Variants in PDE8A observed in about 807,000 individuals in gnomAD.
PDE8A encodes the protein high affinity cAMP-specific and IBMX-insensitive 3',5'-cyclic phosphodiesterase 8A.
In PDE8A, 59 loss-of-function variants were observed where a neutral mutation model predicts 105.0. That is an observed-to-expected ratio of 0.56 (90% confidence interval 0.46 to 0.70). The LOEUF (loss-of-function observed/expected upper bound fraction) is 0.70, where lower values mean the gene tolerates loss of function less well. Ranked by LOEUF, PDE8A falls within the 30% of genes least tolerant of loss-of-function variation. PDE8A has a pLI of 0.00. For missense variants in PDE8A, 1,014 were observed against 1,045.9 expected, an observed-to-expected ratio of 0.97 and a Z score of 0.42; for synonymous variants, 355 against 371.9, an observed-to-expected ratio of 0.95 and a Z score of 0.52.
intron 8 of PDE8A, among the ~76,000 whole-genome samples, chr15:85,094,179 AT>A (rs919620640): frequency 0.013 from 1,975 of 149,956 alleles, 47 homozygotes; most frequent in African/African-American, 0.044. Context: ...AAAAATCTTG[AT>A]TTTTTTTTTC....
chr15:85,108,957 A>G (rs1008631108), intron 11 of PDE8A, 96 bp from the exon 12 acceptor site: 47 of 791,846 alleles, frequency 5.9e-5, no homozygotes, highest in Non-Finnish European at 4.0e-5. Context: ...TAAAACATTT[A>G]AAGTTGAGAG....
chr15:85,014,092 T>A (rs1478999454), intron 1 of PDE8A, among the ~76,000 whole-genome samples: 2 of 152,218 alleles, frequency 1.3e-5, no homozygotes, highest in African/African-American at 4.8e-5. Context: ...TGATACACGA[T>A]CTTGTGATGA....
chr15:85,007,934 C>G (rs1051094955), intron 1 of PDE8A, among the ~76,000 whole-genome samples: 1 of 152,056 alleles, frequency 6.6e-6, no homozygotes, highest in Non-Finnish European at 1.5e-5. Context: ...TGGACTGCAG[C>G]TCATAGTCAG....
Position 85,115,449 on chromosome 15 carries a change from G to A in PDE8A, c.1361G>A (p.Arg454Gln), listed in dbSNP as rs147442036. ...CTTGATTTTTATCAGGATGGTTTGC[G>A]AAGACTATCAGGGAATGAATATGTT... ...LVGGLMSDGL[R>Q]RLSGNEYVLS... is the part of the protein sequence containing the mutation. Residue 454 changes from arginine to glutamine, a missense_variant, in exon 15 of 22, where the codon CGA (arginine) becomes CAA (glutamine). Transcript: ENST00000394553. 592 of 1,539,734 alleles carry A rather than the reference G, an allele frequency of 3.8e-4. 1 individual carries two copies. Among genetic ancestry groups the A allele is most frequent in the Non-Finnish European group, 4.5e-4 (514 of 1,143,228 alleles).
chr15:85,115,649 AAC>A (rs2082084017), intron 15 of PDE8A, 162 bp downstream of exon 15: 1 of 563,192 alleles, frequency 1.8e-6, no homozygotes, highest in Non-Finnish European at 3.1e-6. Context: ...CTCCCTAAGA[AAC>A]AGTTAATCCT....
At chr15:85,066,418 G>C (rs931141929) in intron 2 of PDE8A, among the ~76,000 whole-genome samples, 1 of 151,834 alleles carries the variant, frequency 6.6e-6, no homozygotes, top group Non-Finnish European at 1.5e-5. Context: ...AAAATTAGCC[G>C]GGCATGTGGT....
Position 84,982,185 on chromosome 15 carries a change from A to T in PDE8A, c.23A>T (p.His8Leu). 2 of 1,483,402 alleles carry T rather than the reference A, an allele frequency of 1.3e-6. No homozygotes were observed. Among genetic ancestry groups the T allele is most frequent in the Non-Finnish European group, 1.8e-6 (2 of 1,126,690 alleles). 91.9% of individuals were successfully genotyped at this position (1,483,402 alleles called of 1,614,324 possible). A position where few individuals can be genotyped will look rare whatever the true frequency, so the allele number is the denominator to read the frequency against. MGCAPSIHISERLVAEDA... is the reference protein window; with the variant it reads MGCAPSILISERLVAEDA... The stretch of plus-strand genomic sequence containing the variant: ...AGCATGGGCTGTGCCCCGAGCATCC[A>T]CATTTCCGAGCGCCTGGTGGCCGAG... Residue 8 changes from histidine (H) to leucine (L), a missense_variant, in exon 1 of 22, where the codon CAC (histidine) becomes CTC (leucine). Transcript: ENST00000394553.
intron 1 of PDE8A, among the ~76,000 whole-genome samples, chr15:85,047,724 C>G (rs1051687945): frequency 6.6e-6 from 1 of 152,136 alleles, no homozygotes; most frequent in Non-Finnish European, 1.5e-5. Context: ...CTGTACAAAT[C>G]AAGTTATTTC....
At chr15:85,094,807 C>CTT (rs1400909198) in intron 8 of PDE8A, among the ~76,000 whole-genome samples, 4 of 152,310 alleles carry the variant, frequency 2.6e-5, no homozygotes, top group African/African-American at 9.6e-5. Context: ...GTGTGTAACT[C>CTT]TGTCTCCTTG....
rs375788549 is a variant in PDE8A at position 85,100,029 on chromosome 15, A to C, written c.956A>C (p.Tyr319Ser). Residue 319 changes from tyrosine to serine, a missense_variant, in exon 10 of 22, where the codon TAT becomes TCT. Transcript: ENST00000394553. Reference protein sequence around the residue: ...VIGQGGKIRHYVSIIRVCNGN... With the variant: ...VIGQGGKIRHSVSIIRVCNGN... The stretch of plus-strand genomic sequence containing the variant: ...TTTACTTGCAGAAAAATTAGACACT[A>C]TGTGTCCATTATCAGAGTGTGCAAT... The C allele has an allele frequency of 9.9e-6, 16 of 1,612,706 alleles. No individual in the cohort carries two copies. The highest frequency in any genetic ancestry group is 7.6e-6 in the Non-Finnish European group (9 of 1,179,362).
chr15:85,029,965 C>T (rs2080585061), intron 1 of PDE8A, among the ~76,000 whole-genome samples: 2 of 152,234 alleles, frequency 1.3e-5, no homozygotes, highest in African/African-American at 2.4e-5. Context: ...TCCCACTGAC[C>T]AGGGGTTCTG....
chr15:85,011,204 G>A (rs192295410), intron 1 of PDE8A, among the ~76,000 whole-genome samples: 11 of 152,304 alleles, frequency 7.2e-5, no homozygotes, highest in African/African-American at 2.6e-4. Context: ...ATTCTAACCT[G>A]ACAGAATTAA....
chr15:85,003,644 G>A (rs1305032494), intron 1 of PDE8A, among the ~76,000 whole-genome samples: 4 of 152,214 alleles, frequency 2.6e-5, no homozygotes, highest in Admixed American at 6.5e-5. Flanking sequence ...CCCTGAGGCA[G>A]TTTGTATTCT....
At chr15:85,006,828 A>G (rs1355834346) in intron 1 of PDE8A, among the ~76,000 whole-genome samples, 2 of 152,112 alleles carry the variant, frequency 1.3e-5, no homozygotes, top group Admixed American at 1.3e-4. Context: ...CATGTATATG[A>G]TGTCCCTTCT....
intron 12 of PDE8A, among the ~76,000 whole-genome samples, chr15:85,112,876 C>A (rs999490790): frequency 6.6e-6 from 1 of 152,188 alleles, no homozygotes; most frequent in African/African-American, 2.4e-5. Flanking sequence ...TTTACCTAAT[C>A]AGTCCAGATT....
chr15:85,127,951 G>A (rs1489037528), intron 20 of PDE8A, among the ~76,000 whole-genome samples: 2 of 151,014 alleles, frequency 1.3e-5, no homozygotes, highest in Non-Finnish European at 2.9e-5. Flanking sequence ...TACAACCATG[G>A]GACAGAATAG....
chr15:85,099,111 A>T (rs1233705311), intron 9 of PDE8A, among the ~76,000 whole-genome samples: 3 of 152,254 alleles, frequency 2.0e-5, no homozygotes, highest in Non-Finnish European at 2.9e-5. Flanking sequence ...CCGTTGTAGT[A>T]ACCGCTGTTG....
At chr15:85,126,114 C>T (rs895654718) in intron 19 of PDE8A, 93 bp from the exon 20 acceptor site, 12 of 810,844 alleles carry the variant, frequency 1.5e-5, no homozygotes, top group Admixed American at 1.0e-4. Context: ...CTGACTAGTG[C>T]TCTTTTTATG....
At chr15:85,058,027 GTTTTGT>G (rs2081089232) in intron 1 of PDE8A, among the ~76,000 whole-genome samples, 3 of 152,072 alleles carry the variant, frequency 2.0e-5, no homozygotes, top group Admixed American at 1.3e-4. Flanking sequence ...TGTTGTCGTT[GTTTTGT>G]TTTTGAGATA....
Sources: allele counts gnomAD v4.1 joint callset (sites outside exome capture counted in the v4.1 genomes callset), GRCh38; gene constraint gnomAD v4.1.1; transcripts MANE v1.5; gene names NCBI Gene and HGNC (gene_info 2026-07-23, HGNC 2026-07-21).